Variants in MON1A observed in about 807,000 individuals in gnomAD.
MON1A encodes the protein vacuolar fusion protein MON1 homolog A.
Under a neutral mutation model 44.6 loss-of-function variants are expected in MON1A, and 29 were observed. That is an observed-to-expected ratio of 0.65 (90% confidence interval 0.48 to 0.89). MON1A has a LOEUF of 0.89. Among genes scored for constraint, MON1A ranks in the 40% least tolerant of loss-of-function variants. The pLI is 0.00. For missense variants in MON1A, 615 were observed against 759.6 expected, an observed-to-expected ratio of 0.81 and a Z score of 2.24; for synonymous variants, 275 against 316.4, an observed-to-expected ratio of 0.87 and a Z score of 1.39.
intron 1 of MON1A, among the ~76,000 whole-genome samples, chr3:49,923,413 A>G (rs1435006582): frequency 6.6e-6 from 1 of 150,908 alleles, no homozygotes; most frequent in Non-Finnish European, 1.5e-5. Context: ...AAGGAAAGGA[A>G]GAAAGGAAGG....
intron 1 of MON1A, among the ~76,000 whole-genome samples, chr3:49,928,371 A>T (rs1002187020): frequency 3.3e-5 from 5 of 152,160 alleles, no homozygotes; most frequent in African/African-American, 1.2e-4. Context: ...CTGGGAGGCT[A>T]GAATTGAAGA....
At chr3:49,920,982 C>A (rs1262701031) in intron 1 of MON1A, among the ~76,000 whole-genome samples, 1 of 152,004 alleles carries the variant, frequency 6.6e-6, no homozygotes, top group Non-Finnish European at 1.5e-5. Flanking sequence ...ATATGGCAAA[C>A]CCTGCCTCTA....
intron 1 of MON1A, among the ~76,000 whole-genome samples, chr3:49,929,093 A>G (rs1425141610): frequency 6.6e-6 from 1 of 152,154 alleles, no homozygotes; most frequent in East Asian, 1.9e-4. Context: ...GTGGTGGCGC[A>G]TGCCTGTAAT....
Position 49,910,692 on chromosome 3 carries a change from G to A in MON1A, c.806C>T (p.Ser269Leu). 3 of 1,612,430 alleles carry A rather than the reference G, an allele frequency of 1.9e-6. No homozygotes were observed. The highest frequency in any genetic ancestry group is 1.7e-6 in the Non-Finnish European group (2 of 1,179,192). The change falls in exon 4 of 6, where the codon TCG becomes TTG. Residue 269 changes from serine to leucine, a missense_variant. Transcript: ENST00000296473. The surrounding 1 kb of genome is among the most constrained non-coding windows in gnomAD (Gnocchi z 8.0). ...GTTGTCGGTGATGCGCTCTGAGCCCGAGAGTAGGCGCCGCAAATCATAGTT... is the reference window on the plus strand; with the variant it reads ...GTTGTCGGTGATGCGCTCTGAGCCCAAGAGTAGGCGCCGCAAATCATAGTT... The part of the protein sequence containing the change: ...KQNYDLRRLL[S>L]GSERITDNLL...
At chr3:49,913,458 C>T in intron 1 of MON1A, 99 bp from the exon 2 acceptor site, 1 of 1,136,568 alleles carries the variant, frequency 8.8e-7, no homozygotes, top group Non-Finnish European at 1.2e-6. Context: ...TATCAGGACT[C>T]CACTAACTCA....
intron 1 of MON1A, among the ~76,000 whole-genome samples, chr3:49,921,210 T>G (rs1375454057): frequency 6.6e-6 from 1 of 151,124 alleles, no homozygotes; most frequent in Non-Finnish European, 1.5e-5. Context: ...TGGACTGGAG[T>G]GCAGTGGCGC....
Position 49,908,998 on chromosome 3 carries a change from C to T in MON1A, c.*16G>A. The T allele has an allele frequency of 2.5e-6, 4 of 1,605,160 alleles. No individual in the cohort carries two copies. The highest frequency in any genetic ancestry group is 3.4e-6 in the Non-Finnish European group (4 of 1,174,962). On this transcript the variant is annotated 3_prime_UTR_variant, in exon 6 of 6. Coordinates refer to ENST00000296473, the MANE Select transcript of MON1A (RefSeq NM_032355.4). Reference sequence around the variant, plus strand: ...ACCTAGTGTGTCCAGGAAGGCTGAGCCCGCACACATTCCCATCAATAGGTG... The same window carrying T: ...ACCTAGTGTGTCCAGGAAGGCTGAGTCCGCACACATTCCCATCAATAGGTG...
chr3:49,927,915 CA>C (rs200923233), intron 1 of MON1A, among the ~76,000 whole-genome samples: 1 of 149,396 alleles, frequency 6.7e-6, no homozygotes, highest in South Asian at 2.1e-4. Flanking sequence ...AAAAAAACAA[CA>C]AAAAAAAACA....
intron 1 of MON1A, 108 bp from the exon 2 acceptor site, chr3:49,913,467 CA>C: frequency 9.8e-7 from 1 of 1,022,702 alleles, no homozygotes. Context: ...TCCACTAACT[CA>C]AATCTCTAGA....
rs1330882267 is a variant in MON1A at position 49,911,628 on chromosome 3, G to A, written c.511C>T (p.Arg171Cys). The A allele has an allele frequency of 1.2e-6, 2 of 1,614,160 alleles. No homozygotes were observed. The highest frequency in any genetic ancestry group is 1.1e-5 in the South Asian group (1 of 91,090). ...LSEAGKPVYS[R>C]YGSEEALSST... ...GAAAGTGCCTCCTCAGACCCATAGC[G>A]GGAGTACACAGGCTTCCCTGCCTCA... The change falls in exon 3 of 6, where the codon CGC becomes TGC. Residue 171 changes from arginine (R) to cysteine (C), a missense_variant. Transcript: ENST00000296473. This position sits in a 1 kb window ranked among gnomAD's most constrained non-coding sequence, Gnocchi z 5.7.
In MON1A at chr3:49,911,245, G is replaced by GATAC. The variant is rs1559492025; in HGVS notation, c.613+280_613+281insGTAT. Reference sequence around the variant, plus strand: ...AGATAGATAGATAGATAGATAGATAGAGTTTGTTGTTGTTGTTGTTGTTGC... The same window carrying GATAC: ...AGATAGATAGATAGATAGATAGATAGATACAGTTTGTTGTTGTTGTTGTTGTTGC... On this transcript the variant is annotated intron_variant, in intron 3 of 5. Transcript: ENST00000296473. This position sits in a 1 kb window ranked among gnomAD's most constrained non-coding sequence, Gnocchi z 5.7. Among the ~76,000 whole-genome samples, 1 of 78,280 alleles carries GATAC rather than the reference G, an allele frequency of 1.3e-5. No homozygotes were observed. The highest frequency in any genetic ancestry group is 5.2e-5 in the African/African-American group (1 of 19,148). 51.4% of individuals were successfully genotyped at this position (78,280 alleles called of 152,430 possible).
At chr3:49,925,545 C>T (rs2083045167) in intron 1 of MON1A, among the ~76,000 whole-genome samples, 1 of 152,104 alleles carries the variant, frequency 6.6e-6, no homozygotes, top group South Asian at 2.1e-4. Flanking sequence ...TACTGAGTGC[C>T]AGCCTGGCTG....
chr3:49,913,040 G>A (rs1413461198), intron 2 of MON1A, 180 bp downstream of exon 2: 5 of 802,540 alleles, frequency 6.2e-6, no homozygotes, highest in Non-Finnish European at 2.1e-6. Flanking sequence ...ATGAAGTGGA[G>A]AGGAAAGCCA....
chr3:49,911,225 G>GATAGATAGATGATAGATAC lies in MON1A; in HGVS notation c.613+300_613+301insGTATCTATCATCTATCTAT, dbSNP rs1553630693. On this transcript the variant is annotated intron_variant, in intron 3 of 5. Transcript: ENST00000296473. The surrounding 1 kb of genome is among the most constrained non-coding windows in gnomAD (Gnocchi z 5.7). Reference sequence around the variant, plus strand: ...AGATAGATAGATAGATAGATAGATAGATAGATAGATAGATAGATAGAGTTT... The same window carrying GATAGATAGATGATAGATAC: ...AGATAGATAGATAGATAGATAGATAGATAGATAGATGATAGATACATAGATAGATAGATAGATAGAGTTT... Among the ~76,000 whole-genome samples, 45 of 151,472 alleles carry GATAGATAGATGATAGATAC rather than the reference G, an allele frequency of 3.0e-4. 1 individual carries two copies. Among genetic ancestry groups the GATAGATAGATGATAGATAC allele is most frequent in the African/African-American group, 8.8e-4 (36 of 41,004 alleles).
At position 49,909,875 on chromosome 3, in the gene MON1A, G is replaced by C; in HGVS notation, c.1379+244C>G. On this transcript the variant is annotated intron_variant, in intron 4 of 5. Coordinates refer to ENST00000296473, the MANE Select transcript of MON1A (RefSeq NM_032355.4). The surrounding 1 kb of genome is among the most constrained non-coding windows in gnomAD (Gnocchi z 4.0). ...AGGGACCCCGGAGACCTCTGTTCCA[G>C]TTTCCTTCTCTGGGTATATTGGGCA... 1 of 472,096 alleles carries C rather than the reference G, an allele frequency of 2.1e-6. No homozygotes were observed. The highest frequency in any genetic ancestry group is 3.7e-6 in the Non-Finnish European group (1 of 269,878). The allele number at this position is 472,096 out of a possible 1,614,324, so 29.2% of individuals were successfully genotyped here. A position where few individuals can be genotyped will look rare whatever the true frequency, so the allele number is the denominator to read the frequency against.
Position 49,911,498 on chromosome 3 carries a change from C to T in MON1A, c.613+28G>A, listed in dbSNP as rs374130422. ...TGAATGAACCTTGGCCAGGGGAGCC[C>T]GCCCCATTCCCTCTCCAGGTGGCTC... On this transcript the variant is annotated intron_variant, in intron 3 of 5. Transcript: ENST00000296473. This position sits in a 1 kb window ranked among gnomAD's most constrained non-coding sequence, Gnocchi z 5.7. The T allele has an allele frequency of 7.0e-6, 11 of 1,582,128 alleles. No homozygotes were observed. Among genetic ancestry groups the T allele is most frequent in the Non-Finnish European group, 7.7e-6 (9 of 1,162,580 alleles).
rs528359402 is a variant in MON1A, at chr3:49,910,110, C to T, written c.1379+9G>A. 6.3e-7 allele frequency: 1 copy of T among 1,576,824 alleles called. No individual in the cohort carries two copies. The highest frequency in any genetic ancestry group is 1.3e-5 in the African/African-American group (1 of 74,112). ...CCGCTACAGCAGTGCCCTCAAGGCC[C>T]TCCCTCACCTGGTGAAGAGTCCCGA... On this transcript the variant is annotated intron_variant, in intron 4 of 5. Coordinates refer to ENST00000296473, the MANE Select transcript of MON1A (RefSeq NM_032355.4). The surrounding 1 kb of genome is among the most constrained non-coding windows in gnomAD (Gnocchi z 8.0).
At chr3:49,919,176 C>A (rs1242776981) in intron 1 of MON1A, among the ~76,000 whole-genome samples, 2 of 152,216 alleles carry the variant, frequency 1.3e-5, no homozygotes. Context: ...GGAGTGAGAT[C>A]CTGTCTCAAA....
Position 49,910,466 on chromosome 3 carries a change from G to C in MON1A, c.1032C>G (p.Asp344Glu). 6.2e-7 allele frequency: 1 copy of C among 1,614,188 alleles called. No homozygotes were observed. The highest frequency in any genetic ancestry group is 8.5e-7 in the Non-Finnish European group (1 of 1,180,022). The change falls in exon 4 of 6, where the codon GAC becomes GAG. Residue 344 changes from aspartate (D) to glutamate (E), a missense_variant. Coordinates refer to ENST00000296473, the MANE Select transcript of MON1A (RefSeq NM_032355.4). This position sits in a 1 kb window ranked among gnomAD's most constrained non-coding sequence, Gnocchi z 8.0. ...TAATGAGGTTGAAGAGCAGGTGCAG[G>C]TCGATGGGGTGCAGAAATTGGTCCT... ...RRKDQFLHPI[D>E]LHLLFNLISS...
Sources: allele counts gnomAD v4.1 joint callset (sites outside exome capture counted in the v4.1 genomes callset), GRCh38; gene constraint gnomAD v4.1.1; non-coding constraint Gnocchi (gnomAD v3.1); transcripts MANE v1.5; gene names NCBI Gene and HGNC (gene_info 2026-07-23, HGNC 2026-07-21).